The following ARHGAP44 variants were observed in gnomAD, a reference collection of about 807,000 sequenced individuals.
The protein encoded by ARHGAP44 is rho GTPase-activating protein 44.
A neutral mutation model predicts 106.8 loss-of-function variants in ARHGAP44; 43 were observed. The ratio of observed to expected loss-of-function variants is 0.40; its 90% CI spans 0.32 to 0.52. ARHGAP44 has a LOEUF of 0.52. Ranked by LOEUF, ARHGAP44 falls within the 20% of genes least tolerant of loss-of-function variation. The pLI, the probability that ARHGAP44 is intolerant of heterozygous loss-of-function variation, is 0.48. For synonymous variants in ARHGAP44, 439 were observed against 410.3 expected, an observed-to-expected ratio of 1.07 and a Z score of -0.85; for missense variants, 866 against 1,050.5, an observed-to-expected ratio of 0.82 and a Z score of 2.43.
intron 1 of ARHGAP44, among the ~76,000 whole-genome samples, chr17:12,829,466 T>C (rs532542590): frequency 4.6e-5 from 7 of 152,168 alleles, no homozygotes; most frequent in African/African-American, 1.4e-4. Flanking sequence ...CAACACTGCA[T>C]AAATATTTAT....
At chr17:12,911,980 TC>T (rs2037750807) in intron 4 of ARHGAP44, among the ~76,000 whole-genome samples, 1 of 152,242 alleles carries the variant, frequency 6.6e-6, no homozygotes, top group African/African-American at 2.4e-5. Flanking sequence ...ACCACGTCTT[TC>T]TACAGATGAA....
chr17:12,985,509 T>C (rs2039936683), intron 20 of ARHGAP44: 1 of 152,154 alleles, frequency 6.6e-6, no homozygotes, highest in Non-Finnish European at 1.5e-5. Context: ...ACGACTTAAT[T>C]TAGTTTGGGC....
At chr17:12,836,086 G>T (rs1482590941) in intron 1 of ARHGAP44, among the ~76,000 whole-genome samples, 1 of 152,070 alleles carries the variant, frequency 6.6e-6, no homozygotes, top group Non-Finnish European at 1.5e-5. Context: ...TGTGAATAAT[G>T]CTGCTATGAA....
chr17:12,900,730 C>T (rs187033179), intron 3 of ARHGAP44, among the ~76,000 whole-genome samples: 29 of 152,120 alleles, frequency 1.9e-4, no homozygotes, highest in Non-Finnish European at 3.2e-4. Flanking sequence ...ACAGTGCATT[C>T]GCTGCTCAGA....
intron 1 of ARHGAP44, among the ~76,000 whole-genome samples, chr17:12,850,725 C>A (rs139045915): frequency 6.2e-4 from 95 of 152,330 alleles, no homozygotes; most frequent in African/African-American, 2.2e-3. Context: ...TCCACATAGA[C>A]TGCCAAGACT....
chr17:12,960,847 AG>A (rs2039245486), intron 16 of ARHGAP44, among the ~76,000 whole-genome samples: 1 of 152,176 alleles, frequency 6.6e-6, no homozygotes, highest in African/African-American at 2.4e-5. Flanking sequence ...TACAAGTGTG[AG>A]CCACTGTGCC....
chr17:12,870,048 CT>C (rs3074688), intron 1 of ARHGAP44, among the ~76,000 whole-genome samples: 40 of 113,092 alleles, frequency 3.5e-4, no homozygotes, highest in East Asian at 7.8e-4. Context: ...CAAATACCGT[CT>C]TTTTTTTTTT....
chr17:12,942,888 T>C (rs1201972476), intron 8 of ARHGAP44, among the ~76,000 whole-genome samples: 2 of 152,212 alleles, frequency 1.3e-5, no homozygotes, highest in Non-Finnish European at 2.9e-5. Flanking sequence ...TTCTTTGGAC[T>C]GCATCATTTT....
intron 1 of ARHGAP44, among the ~76,000 whole-genome samples, chr17:12,854,316 C>CT (rs2035843535): frequency 1.3e-5 from 2 of 152,174 alleles, no homozygotes; most frequent in Non-Finnish European, 2.9e-5. Context: ...CTGTTGTGGT[C>CT]TTTTTTTCCC....
chr17:12,921,199 T>G (rs892318945), intron 6 of ARHGAP44, among the ~76,000 whole-genome samples: 3 of 152,058 alleles, frequency 2.0e-5, no homozygotes, highest in African/African-American at 7.2e-5. Flanking sequence ...CCTGAGTGGC[T>G]GGGATTACAG....
Position 12,896,801 on chromosome 17 carries a change from A to C in ARHGAP44, c.198+290A>C, listed in dbSNP as rs76491025. Among the ~76,000 whole-genome samples the C allele has an allele frequency of 4.5e-3, 689 of 152,320 alleles. 11 individuals are homozygous for C. Among genetic ancestry groups the C allele is most frequent in the East Asian group, 0.045 (231 of 5,182 alleles). ...TGGGAAGACGGCAGGGGCGTGCTTG[A>C]GATCCCACCTCTAGGGAAGCTTTAT... On this transcript the variant is annotated intron_variant, in intron 3 of 20. Transcript: ENST00000379672.
At chr17:12,803,752 T>C (rs3826379) in intron 1 of ARHGAP44, among the ~76,000 whole-genome samples, 33,667 of 152,162 alleles carry the variant, frequency 0.22, 5,543 homozygotes, top group African/African-American at 0.45. Context: ...GCCCAGACCA[T>C]ATTTTTGAAT....
At chr17:12,914,103 C>G (rs969407445) in intron 4 of ARHGAP44, among the ~76,000 whole-genome samples, 1 of 151,406 alleles carries the variant, frequency 6.6e-6, no homozygotes, top group Non-Finnish European at 1.5e-5. Flanking sequence ...GAAGTTCCTA[C>G]AAATAAATTC....
At chr17:12,830,350 G>A (rs1462890429) in intron 1 of ARHGAP44, among the ~76,000 whole-genome samples, 2 of 151,178 alleles carry the variant, frequency 1.3e-5, no homozygotes, top group Non-Finnish European at 2.9e-5. Flanking sequence ...TTTTCTTCCT[G>A]GTTCTTTGAC....
At chr17:12,975,812 A>G (rs1414825059) in intron 18 of ARHGAP44, among the ~76,000 whole-genome samples, 2 of 150,858 alleles carry the variant, frequency 1.3e-5, no homozygotes, top group Non-Finnish European at 3.0e-5. Context: ...AAAAAAAAAA[A>G]AAAAAGAAAA....
chr17:12,964,583 C>G (rs1440511079), intron 16 of ARHGAP44, among the ~76,000 whole-genome samples: 2 of 152,170 alleles, frequency 1.3e-5, no homozygotes, highest in Non-Finnish European at 2.9e-5. Context: ...GAGTTCTAGA[C>G]CAGTCTGGCC....
At chr17:12,976,685 C>T (rs1358056546) in intron 18 of ARHGAP44, among the ~76,000 whole-genome samples, 1 of 151,174 alleles carries the variant, frequency 6.6e-6, no homozygotes, top group Admixed American at 6.6e-5. Flanking sequence ...GTTAGATAGT[C>T]TTAGAGCATA....
chr17:12,983,028 G>A (rs1249913318), intron 19 of ARHGAP44: 1 of 152,270 alleles, frequency 6.6e-6, no homozygotes, highest in East Asian at 1.9e-4. Context: ...CACTTTGGAA[G>A]GCCAAGGCAG....
At chr17:12,816,479 T>C (rs965849366) in intron 1 of ARHGAP44, among the ~76,000 whole-genome samples, 1 of 152,098 alleles carries the variant, frequency 6.6e-6, no homozygotes, top group Non-Finnish European at 1.5e-5. Context: ...GGATGAAAAT[T>C]GGAAAGGAGC....
Sources: allele counts gnomAD v4.1 joint callset (sites outside exome capture counted in the v4.1 genomes callset), GRCh38; gene constraint gnomAD v4.1.1; transcripts MANE v1.5; gene names NCBI Gene and HGNC (gene_info 2026-07-23, HGNC 2026-07-21).